The following LEKR1 variants were observed in gnomAD, a reference collection of about 807,000 sequenced individuals.
LEKR1 encodes the protein leucine, glutamate and lysine rich 1.
In LEKR1, 59 loss-of-function variants were observed where a neutral mutation model predicts 72.4. The ratio of observed to expected loss-of-function variants is 0.82; its 90% CI spans 0.66 to 1.01. The LOEUF is 1.01. Ranked by LOEUF, LEKR1 falls within the 50% of genes least tolerant of loss-of-function variation. LEKR1 has a pLI of 0.00. For synonymous variants in LEKR1, 257 were observed against 263.2 expected, an observed-to-expected ratio of 0.98 and a Z score of 0.23; for missense variants, 728 against 759.2, an observed-to-expected ratio of 0.96 and a Z score of 0.48.
At chr3:156,850,016 A>G (rs1056578746) in intron 2 of LEKR1, among the ~76,000 whole-genome samples, 85 of 152,156 alleles carry the variant, frequency 5.6e-4, no homozygotes, top group African/African-American at 1.9e-3. Flanking sequence ...TCATCTGACA[A>G]AGGGCTAATA....
intron 2 of LEKR1, among the ~76,000 whole-genome samples, chr3:156,838,233 A>G (rs1227805359): frequency 6.6e-6 from 1 of 152,180 alleles, no homozygotes; most frequent in Non-Finnish European, 1.5e-5. Flanking sequence ...GACCTGTTGA[A>G]CTTTGTTCAT....
intron 3 of LEKR1, among the ~76,000 whole-genome samples, chr3:156,865,370 AG>A (rs1717188966): frequency 6.6e-6 from 1 of 152,036 alleles, no homozygotes; most frequent in South Asian, 2.1e-4. Context: ...AGTTACTCTG[AG>A]TATTAAATGG....
intron 10 of LEKR1, chr3:157,017,369 T>A (rs145301878): frequency 6.6e-6 from 1 of 152,338 alleles, no homozygotes; most frequent in Non-Finnish European, 1.5e-5. Context: ...GGCTGCGACA[T>A]CTGTCACTCT....
At chr3:156,993,415 A>C (rs11706305) in intron 9 of LEKR1, 138 bp downstream of exon 9, 297,895 of 504,340 alleles carry the variant, frequency 0.59, 90,832 homozygotes, top group South Asian at 0.77. Context: ...CTACAAGGTC[A>C]TTGCATCCCA....
chr3:156,858,590 C>T (rs1248510656), intron 3 of LEKR1, among the ~76,000 whole-genome samples: 1 of 151,132 alleles, frequency 6.6e-6, no homozygotes, highest in Non-Finnish European at 1.5e-5. Flanking sequence ...GGGAGAATCG[C>T]TTGAACCTGG....
At chr3:156,870,876 A>C (rs1717847315) in intron 3 of LEKR1, among the ~76,000 whole-genome samples, 1 of 152,092 alleles carries the variant, frequency 6.6e-6, no homozygotes, top group Non-Finnish European at 1.5e-5. Context: ...AGTTTTTATC[A>C]TGAAGGGACA....
intron 12 of LEKR1, among the ~76,000 whole-genome samples, chr3:157,038,823 A>G (rs1331537836): frequency 6.6e-6 from 1 of 152,210 alleles, no homozygotes; most frequent in African/African-American, 2.4e-5. Flanking sequence ...TCCCCATGCA[A>G]TGACATTAAT....
intron 5 of LEKR1, among the ~76,000 whole-genome samples, chr3:156,941,367 T>C (rs906948106): frequency 5.9e-5 from 9 of 152,090 alleles, no homozygotes; most frequent in African/African-American, 2.2e-4. Flanking sequence ...TTCGTGATCC[T>C]CCTCATCACG....
At chr3:156,922,415 GAA>G (rs757159527) in intron 4 of LEKR1, among the ~76,000 whole-genome samples, 1 of 137,742 alleles carries the variant, frequency 7.3e-6, no homozygotes, top group African/African-American at 2.7e-5. Flanking sequence ...AATGTGGGAT[GAA>G]AAAAAAAAAA....
chr3:157,006,406 C>T (rs1286723542), intron 9 of LEKR1, among the ~76,000 whole-genome samples: 1 of 152,168 alleles, frequency 6.6e-6, no homozygotes, highest in Non-Finnish European at 1.5e-5. Context: ...TACTGGTAGG[C>T]ATGTCAAATA....
chr3:156,939,233 TAAG>T (rs1361258717), intron 5 of LEKR1, among the ~76,000 whole-genome samples: 2 of 152,094 alleles, frequency 1.3e-5, no homozygotes, highest in Non-Finnish European at 2.9e-5. Flanking sequence ...ACTGGTGTCA[TAAG>T]AAGAAGAAAT....
chr3:156,873,494 C>G (rs752798121), intron 3 of LEKR1, among the ~76,000 whole-genome samples: 1 of 152,000 alleles, frequency 6.6e-6, no homozygotes, highest in Non-Finnish European at 1.5e-5. Flanking sequence ...TCCCCTCTTT[C>G]TCCCTTCTTG....
intron 3 of LEKR1, among the ~76,000 whole-genome samples, chr3:156,860,994 T>C (rs981257081): frequency 6.6e-6 from 1 of 152,094 alleles, no homozygotes; most frequent in Non-Finnish European, 1.5e-5. Context: ...GATCAAAAAC[T>C]TTTTCAGAAA....
intron 3 of LEKR1, among the ~76,000 whole-genome samples, chr3:156,890,004 C>T (rs1246891855): frequency 6.6e-6 from 1 of 152,198 alleles, no homozygotes; most frequent in African/African-American, 2.4e-5. Flanking sequence ...GCTTGCATCT[C>T]TGCCTCTCCA....
In LEKR1 at chr3:156,927,545, C is replaced by A; in HGVS notation, c.500C>A (p.Thr167Asn). 1 of 1,237,888 alleles carries A rather than the reference C, an allele frequency of 8.1e-7. No homozygotes were observed. The highest frequency in any genetic ancestry group is 1.0e-6 in the Non-Finnish European group (1 of 968,010). The allele number at this position is 1,237,888 out of a possible 1,614,324, so 76.7% of individuals were successfully genotyped here. A position where few individuals can be genotyped will look rare whatever the true frequency, so the allele number is the denominator to read the frequency against. The change falls in exon 5 of 13, where the codon ACT becomes AAT. Residue 167 changes from threonine to asparagine, a missense_variant. Thr to Asn is a moderately conservative substitution (Grantham distance 65). Coordinates refer to ENST00000356539, the MANE Select transcript of LEKR1 (RefSeq NM_001004316.3). ...GTATATGATAATTACCAAAACTGGA[C>A]TTCATTGAAAGGAGCAGTTTTTCTA... ...NEVYDNYQNW[T>N]SLKGAVFLQI...
At chr3:156,831,348 A>C (rs1174910174) in intron 2 of LEKR1, among the ~76,000 whole-genome samples, 1 of 152,204 alleles carries the variant, frequency 6.6e-6, no homozygotes, top group East Asian at 1.9e-4. Flanking sequence ...TTACACCTAC[A>C]TATTAGCAGA....
intron 7 of LEKR1, among the ~76,000 whole-genome samples, chr3:156,991,224 G>C (rs1386512074): frequency 6.6e-6 from 1 of 151,746 alleles, no homozygotes; most frequent in East Asian, 1.9e-4. Context: ...TTGGAACCAG[G>C]GACAAAAAGG....
chr3:157,028,223 A>G lies in LEKR1; in HGVS notation c.1489A>G (p.Ile497Val). 6.2e-7 allele frequency: 1 copy of G among 1,613,394 alleles called. No individual in the cohort carries two copies. The highest frequency in any genetic ancestry group is 1.1e-5 in the South Asian group (1 of 91,046). The change falls in exon 12 of 13, where the codon ATT becomes GTT. Residue 497 changes from isoleucine (I) to valine (V), a missense_variant. Transcript: ENST00000356539. ...AGAATCTAATTCAAAGGAAAAAGAAATTGAAAATCTTAAAAATTTGGTTGC... is the reference window on the plus strand; with the variant it reads ...AGAATCTAATTCAAAGGAAAAAGAAGTTGAAAATCTTAAAAATTTGGTTGC... ...TEESNSKEKE[I>V]ENLKNLVAEF...
chr3:156,992,580 TA>T, intron 7 of LEKR1, 72 bp from the exon 8 acceptor site: 1 of 271,124 alleles, frequency 3.7e-6, no homozygotes, highest in South Asian at 4.2e-5. Context: ...TATTGATGAG[TA>T]AAATAATGCT....
Sources: gnomAD v4.1 joint callset for allele counts (sites outside exome capture counted in the v4.1 genomes callset) on GRCh38, gnomAD v4.1.1 for gene constraint, MANE v1.5 for transcripts, NCBI Gene and HGNC (gene_info 2026-07-23, HGNC 2026-07-21) for gene names.